PDE4D: variants seen among roughly 807,000 people sequenced by gnomAD.
PDE4D encodes the protein phosphodiesterase 4D, also known as 3',5'-cyclic-AMP phosphodiesterase 4D.
Under a neutral mutation model 87.4 loss-of-function variants are expected in PDE4D, and 24 were observed. The observed-to-expected ratio is 0.27, with a 90% CI of 0.20 to 0.39. The LOEUF (loss-of-function observed/expected upper bound fraction) is 0.39. Among genes scored for constraint, PDE4D ranks in the 10% least tolerant of loss-of-function variants. The pLI is 1.00. For missense variants in PDE4D, 714 were observed against 1,041.0 expected (o/e 0.69, Z 4.32); for synonymous variants, 384 against 383.2 (o/e 1.00, Z -0.02).
intron 1 of PDE4D, among the ~76,000 whole-genome samples, chr5:59,258,857 T>C (rs913950941): frequency 2.6e-5 from 4 of 151,204 alleles, no homozygotes; most frequent in Non-Finnish European, 5.9e-5. Context: ...CAGATTTAGT[T>C]AGAAGTGATA....
chr5:60,494,915 A>G (rs920175116), intron 1 of PDE4D, among the ~76,000 whole-genome samples: 1 of 152,086 alleles, frequency 6.6e-6, no homozygotes, highest in Admixed American at 6.5e-5. Flanking sequence ...GGCCAGCCCT[A>G]TTTGCATAGC....
At chr5:59,814,829 G>C (rs1313130649) in intron 1 of PDE4D, among the ~76,000 whole-genome samples, 1 of 151,958 alleles carries the variant, frequency 6.6e-6, no homozygotes, top group Non-Finnish European at 1.5e-5. Flanking sequence ...ATGTGGTAAG[G>C]AGGAGGAAAA....
chr5:59,029,285 C>G (rs1756840191), intron 6 of PDE4D, among the ~76,000 whole-genome samples: 1 of 150,206 alleles, frequency 6.7e-6, no homozygotes, highest in Non-Finnish European at 1.5e-5. Context: ...GGTGTGGTGG[C>G]AGGCGCCTGT....
intron 5 of PDE4D, among the ~76,000 whole-genome samples, chr5:59,137,869 G>T (rs747159358): frequency 2.0e-5 from 3 of 152,204 alleles, no homozygotes; most frequent in Non-Finnish European, 4.4e-5. Flanking sequence ...AACCCTGAGG[G>T]AATATGGGAT....
chr5:59,956,829 G>T (rs1212699960), intron 3 of PDE4D, among the ~76,000 whole-genome samples: 10 of 151,970 alleles, frequency 6.6e-5, no homozygotes. Context: ...AGACTGACTA[G>T]TCCAATTCCA....
At chr5:59,707,350 T>C (rs1055463562) in intron 1 of PDE4D, among the ~76,000 whole-genome samples, 29 of 152,054 alleles carry the variant, frequency 1.9e-4, no homozygotes, top group Non-Finnish European at 3.7e-4. Context: ...AATGAGAAAA[T>C]ACAGTCTCTG....
intron 1 of PDE4D, among the ~76,000 whole-genome samples, chr5:59,406,395 T>TTCCC (rs1791654270): frequency 5.4e-4 from 18 of 33,238 alleles, no homozygotes; most frequent in African/African-American, 6.1e-4. Flanking sequence ...TATCTTTCCT[T>TTCCC]CCCCCCCCCC....
chr5:59,597,316 G>A (rs954142175), intron 1 of PDE4D, among the ~76,000 whole-genome samples: 7 of 152,156 alleles, frequency 4.6e-5, no homozygotes, highest in Non-Finnish European at 1.0e-4. Context: ...ACATGATCAA[G>A]TGGCTTAAAT....
chr5:60,306,436 G>A (rs1350222878), intron 1 of PDE4D, among the ~76,000 whole-genome samples: 1 of 151,594 alleles, frequency 6.6e-6, no homozygotes, highest in African/African-American at 2.4e-5. Context: ...GTTCAATAAA[G>A]GTCAACAAAA....
At chr5:60,223,589 A>C (rs1744747704) in intron 1 of PDE4D, among the ~76,000 whole-genome samples, 1 of 152,252 alleles carries the variant, frequency 6.6e-6, no homozygotes, top group South Asian at 2.1e-4. Context: ...TCCTCCTAGC[A>C]TGAGTACATA....
chr5:59,040,270 T>G (rs1236871339), intron 5 of PDE4D, among the ~76,000 whole-genome samples: 2 of 152,174 alleles, frequency 1.3e-5, no homozygotes, highest in African/African-American at 4.8e-5. Flanking sequence ...AAACAAAATA[T>G]ACAATGTTGT....
chr5:59,000,828 A>G (rs562087725), intron 6 of PDE4D, among the ~76,000 whole-genome samples: 1 of 152,068 alleles, frequency 6.6e-6, no homozygotes, highest in South Asian at 2.1e-4. Flanking sequence ...AGCTGGGATT[A>G]CAGGCGCCCA....
At chr5:59,394,451 G>A (rs927122415) in intron 1 of PDE4D, among the ~76,000 whole-genome samples, 2 of 151,876 alleles carry the variant, frequency 1.3e-5, no homozygotes, top group East Asian at 3.9e-4. Context: ...TTCTTTTTTT[G>A]CCCAATGTGT....
intron 6 of PDE4D, among the ~76,000 whole-genome samples, chr5:59,027,745 G>C (rs1351724463): frequency 1.3e-5 from 2 of 151,882 alleles, no homozygotes; most frequent in African/African-American, 2.4e-5. Flanking sequence ...GATGCTCCAG[G>C]CTCATCTTAC....
rs918821625 is a variant in PDE4D at position 59,201,519 on chromosome 5, A to AT, written c.648-7984dup. Among the ~76,000 whole-genome samples, 14 of 152,286 alleles carry AT rather than the reference A, an allele frequency of 9.2e-5. No individual in the cohort carries two copies. In the South Asian group the frequency reaches 1.2e-3, roughly 14 times the overall value. On this transcript the variant is annotated intron_variant, in intron 2 of 14. Transcript: ENST00000340635. ...AAATTACTTATAAAGGAGGCATTAGATTTTTTTATAAACTCTAAGTAATCT... is the reference window on the plus strand; with the variant it reads ...AAATTACTTATAAAGGAGGCATTAGATTTTTTTTATAAACTCTAAGTAATCT...
chr5:59,612,623 G>T (rs914494392), intron 1 of PDE4D, among the ~76,000 whole-genome samples: 1 of 152,122 alleles, frequency 6.6e-6, no homozygotes, highest in African/African-American at 2.4e-5. Context: ...ATAACAGTTT[G>T]CAGGGAGAAC....
chr5:60,013,247 T>A (rs1272180971), intron 2 of PDE4D, among the ~76,000 whole-genome samples: 1 of 152,188 alleles, frequency 6.6e-6, no homozygotes, highest in East Asian at 1.9e-4. Context: ...GGCCAACAGC[T>A]TTTGGCCAAG....
chr5:59,410,449 G>T (rs1454681285), intron 1 of PDE4D, among the ~76,000 whole-genome samples: 1 of 152,092 alleles, frequency 6.6e-6, no homozygotes, highest in African/African-American at 2.4e-5. Flanking sequence ...GTTTCATTAT[G>T]TTGGCCATAC....
chr5:59,343,042 G>A lies in PDE4D; in HGVS notation c.456-127074C>T, dbSNP rs114616619. Among the ~76,000 whole-genome samples, 852 of 150,002 alleles carry A rather than the reference G, an allele frequency of 5.7e-3. 4 individuals carry two copies. The highest frequency in any genetic ancestry group is 0.021 in the Middle Eastern group (6 of 292). Reference sequence around the variant, plus strand: ...GCAGGTTTGTTACAATGGTAAATTCGTGTCATGGGGGTATTAAGCCTAGTA... The same window carrying A: ...GCAGGTTTGTTACAATGGTAAATTCATGTCATGGGGGTATTAAGCCTAGTA... On this transcript the variant is annotated intron_variant, in intron 1 of 14. Coordinates refer to ENST00000340635, the MANE Select transcript of PDE4D (RefSeq NM_001104631.2).
Sources: allele counts gnomAD v4.1 joint callset (sites outside exome capture counted in the v4.1 genomes callset), GRCh38; gene constraint gnomAD v4.1.1; transcripts MANE v1.5; gene names NCBI Gene and HGNC (gene_info 2026-07-23, HGNC 2026-07-21).